SPATS2L: variants seen among roughly 807,000 people sequenced by gnomAD.
SPATS2L encodes the protein SPATS2-like protein.
In SPATS2L, 30 loss-of-function variants were observed where a neutral mutation model predicts 59.6. The observed-to-expected ratio is 0.50, with a 90% CI of 0.38 to 0.68. The LOEUF (loss-of-function observed/expected upper bound fraction) is 0.68. Ranked by LOEUF, SPATS2L falls within the 30% of genes least tolerant of loss-of-function variation. The probability of loss-of-function intolerance (pLI) is 0.00; values close to 1 mark genes in which losing one functional copy is unlikely to be tolerated. For missense variants in SPATS2L, 615 were observed against 700.0 expected (o/e 0.88, Z 1.37); for synonymous variants, 252 against 263.5 (o/e 0.96, Z 0.42).
chr2:200,471,095 G>A (rs1193500562), intron 11 of SPATS2L, among the ~76,000 whole-genome samples: 1 of 152,096 alleles, frequency 6.6e-6, no homozygotes, highest in Non-Finnish European at 1.5e-5. Context: ...GGACCCGGGA[G>A]GCAGAGATTG....
At position 200,439,102 on chromosome 2, in the gene SPATS2L, T is replaced by G; in HGVS notation, c.446-20T>G. 1 of 1,599,182 alleles carries G rather than the reference T, an allele frequency of 6.3e-7. No individual in the cohort carries two copies. Among genetic ancestry groups the G allele is most frequent in the Non-Finnish European group, 8.6e-7 (1 of 1,166,836 alleles). On this transcript the variant is annotated intron_variant, in intron 6 of 12. Transcript: ENST00000409140. ...TTTTAGTTTATCACTTCACAGTCAT[T>G]ATTTGGTGTTTTCTTACAGAAGGCA... is the stretch of plus-strand genomic sequence containing the variant.
At chr2:200,317,992 A>G (rs1198489212) in intron 1 of SPATS2L, among the ~76,000 whole-genome samples, 1 of 152,184 alleles carries the variant, frequency 6.6e-6, no homozygotes, top group Non-Finnish European at 1.5e-5. Flanking sequence ...AAGCTTTAGT[A>G]TGCTAAGGTA....
chr2:200,455,900 C>T (rs555005694), intron 8 of SPATS2L, among the ~76,000 whole-genome samples: 1 of 152,278 alleles, frequency 6.6e-6, no homozygotes, highest in South Asian at 2.1e-4. Context: ...TGTGACACAC[C>T]CAGACACCCC....
chr2:200,476,629 A>G (rs2087539633), intron 12 of SPATS2L, among the ~76,000 whole-genome samples: 1 of 151,742 alleles, frequency 6.6e-6, no homozygotes, highest in South Asian at 2.1e-4. Flanking sequence ...CAGGATCAAA[A>G]CTCCATGCAG....
intron 6 of SPATS2L, among the ~76,000 whole-genome samples, chr2:200,424,279 G>C (rs534866724): frequency 6.6e-6 from 1 of 151,886 alleles, no homozygotes; most frequent in South Asian, 2.1e-4. Flanking sequence ...TTGAGGCCAG[G>C]AGTTTGAGAC....
chr2:200,474,833 C>T (rs990905491), intron 12 of SPATS2L, among the ~76,000 whole-genome samples: 3 of 152,150 alleles, frequency 2.0e-5, no homozygotes, highest in Admixed American at 2.0e-4. Flanking sequence ...GGCCCTTGGA[C>T]CGGGCCCTGT....
chr2:200,454,037 G>A (rs986692649), intron 8 of SPATS2L, among the ~76,000 whole-genome samples: 4 of 152,138 alleles, frequency 2.6e-5, no homozygotes, highest in African/African-American at 4.8e-5. Context: ...CGAATGATGA[G>A]TTAAGCTCCA....
chr2:200,389,299 A>C lies in SPATS2L; in HGVS notation c.39+16A>C. 6.4e-7 allele frequency: 1 copy of C among 1,556,862 alleles called. No homozygotes were observed. Among genetic ancestry groups the C allele is most frequent in the Non-Finnish European group, 8.7e-7 (1 of 1,144,786 alleles). ...CAAGGAAAAGGTAAGATCAAGTTAT[A>C]CGTTGGCTCACAGAAACTCCAAACT... On this transcript the variant is annotated intron_variant, in intron 3 of 12. Coordinates refer to ENST00000409140, the MANE Select transcript of SPATS2L (RefSeq NM_001100423.2).
In SPATS2L at chr2:200,473,063, A is replaced by C; in HGVS notation, c.1281+11A>C. The C allele has an allele frequency of 6.2e-7, 1 of 1,604,132 alleles. No individual in the cohort carries two copies. The highest frequency in any genetic ancestry group is 8.5e-7 in the Non-Finnish European group (1 of 1,173,878). On this transcript the variant is annotated intron_variant, in intron 12 of 12. Coordinates refer to ENST00000409140, the MANE Select transcript of SPATS2L (RefSeq NM_001100423.2). ...CCGGCCAACAAGCAGGTAAGCCGAC[A>C]CTGGTGCAGGGTGCCAGAGGAAAAA...
chr2:200,307,047 A>G, intron 1 of SPATS2L, 125 bp downstream of exon 1: 1 of 824,330 alleles, frequency 1.2e-6, no homozygotes, highest in Non-Finnish European at 1.5e-6. Flanking sequence ...CGGGCCGCCC[A>G]GCCTCCGCCG....
intron 1 of SPATS2L, among the ~76,000 whole-genome samples, chr2:200,321,150 GGTT>G (rs1212460270): frequency 6.6e-6 from 1 of 152,096 alleles, no homozygotes; most frequent in Non-Finnish European, 1.5e-5. Context: ...ATTTGTGTGA[GGTT>G]GTGAGTGTGT....
chr2:200,457,382 A>G (rs1252641791), intron 8 of SPATS2L, among the ~76,000 whole-genome samples: 2 of 152,192 alleles, frequency 1.3e-5, no homozygotes, highest in East Asian at 1.9e-4. Context: ...GGTTGATTAC[A>G]TAGACAGTCT....
chr2:200,397,742 A>G (rs2082400978), intron 3 of SPATS2L, among the ~76,000 whole-genome samples: 1 of 151,980 alleles, frequency 6.6e-6, no homozygotes, highest in Non-Finnish European at 1.5e-5. Flanking sequence ...GTAATTCTCA[A>G]CTCATAGGGA....
At chr2:200,362,634 T>C (rs1345595672) in intron 2 of SPATS2L, among the ~76,000 whole-genome samples, 1 of 152,194 alleles carries the variant, frequency 6.6e-6, no homozygotes, top group African/African-American at 2.4e-5. Context: ...ATGGAAATTA[T>C]GACCTTTAGA....
intron 8 of SPATS2L, among the ~76,000 whole-genome samples, chr2:200,452,889 AT>A (rs1441693574): frequency 1.9e-4 from 5 of 25,902 alleles, no homozygotes; most frequent in South Asian, 3.1e-3. Context: ...CCAGTGCTGC[AT>A]TTAAAAAAAA....
At chr2:200,442,310 A>C (rs956587889) in intron 8 of SPATS2L, among the ~76,000 whole-genome samples, 22 of 152,218 alleles carry the variant, frequency 1.4e-4, no homozygotes, top group African/African-American at 5.3e-4. Context: ...TTAGAAGTAC[A>C]CCCAGCTTCC....
chr2:200,417,208 GA>G (rs940231058), intron 5 of SPATS2L, among the ~76,000 whole-genome samples: 1 of 152,176 alleles, frequency 6.6e-6, no homozygotes, highest in Non-Finnish European at 1.5e-5. Flanking sequence ...CCCAGTGGGG[GA>G]AGATCACAGG....
At position 200,427,502 on chromosome 2, in the gene SPATS2L, A is replaced by T. The variant is rs546240550; in HGVS notation, c.445+8006A>T. Among the ~76,000 whole-genome samples, 11 of 148,694 alleles carry T rather than the reference A, an allele frequency of 7.4e-5. No individual in the cohort carries two copies. In the East Asian group the frequency reaches 2.1e-3, roughly 29 times the overall value. On this transcript the variant is annotated intron_variant, in intron 6 of 12. Coordinates refer to ENST00000409140, the MANE Select transcript of SPATS2L (RefSeq NM_001100423.2). ...ATATACATATATAAAATATACATGTATTATTATATATAATAATATACATAT... is the reference window on the plus strand; with the variant it reads ...ATATACATATATAAAATATACATGTTTTATTATATATAATAATATACATAT...
chr2:200,425,903 A>G (rs1312599745), intron 6 of SPATS2L, among the ~76,000 whole-genome samples: 3 of 152,092 alleles, frequency 2.0e-5, no homozygotes, highest in East Asian at 1.9e-4. Context: ...GTATGCAGCA[A>G]TTCCATAGAA....
Sources: allele counts gnomAD v4.1 joint callset (sites outside exome capture counted in the v4.1 genomes callset), GRCh38; gene constraint gnomAD v4.1.1; transcripts MANE v1.5; gene names NCBI Gene and HGNC (gene_info 2026-07-23, HGNC 2026-07-21).